Variants in GPC5 observed in about 807,000 individuals in gnomAD.
The protein encoded by GPC5 is glypican-5.
In GPC5, 47 loss-of-function variants were observed where a neutral mutation model predicts 53.9. That is an observed-to-expected ratio of 0.87 (90% CI 0.69 to 1.11). The LOEUF is 1.11. Ranked by LOEUF, GPC5 falls within the 50% of genes most tolerant of loss-of-function variation. The probability of loss-of-function intolerance (pLI) is 0.00; values close to 1 mark genes in which losing one functional copy is unlikely to be tolerated. For missense variants in GPC5, 748 were observed against 713.1 expected (o/e 1.05, Z -0.56); for synonymous variants, 286 against 263.3 (o/e 1.09, Z -0.84).
chr13:92,715,718 G>A (rs1374147116), intron 7 of GPC5, among the ~76,000 whole-genome samples: 2 of 152,104 alleles, frequency 1.3e-5, no homozygotes, highest in Non-Finnish European at 2.9e-5. Flanking sequence ...ATACAGTAGA[G>A]AAAATACAGA....
chr13:92,342,635 A>C (rs2043376662), intron 7 of GPC5, among the ~76,000 whole-genome samples: 1 of 151,552 alleles, frequency 6.6e-6, no homozygotes, highest in African/African-American at 2.4e-5. Flanking sequence ...GTGAGAAATA[A>C]GTTTCTTTTT....
intron 2 of GPC5, among the ~76,000 whole-genome samples, chr13:91,525,802 A>T (rs1255056383): frequency 1.3e-5 from 2 of 152,228 alleles, no homozygotes. Flanking sequence ...CTTAGCAGTT[A>T]TCATAAAATT....
intron 5 of GPC5, among the ~76,000 whole-genome samples, chr13:91,816,843 C>T (rs994378857): frequency 6.6e-6 from 1 of 152,108 alleles, no homozygotes; most frequent in Admixed American, 6.5e-5. Flanking sequence ...TCTGAATCTT[C>T]ACCCTATCAC....
At chr13:92,666,987 C>A (rs1371668001) in intron 7 of GPC5, among the ~76,000 whole-genome samples, 2 of 152,030 alleles carry the variant, frequency 1.3e-5, no homozygotes, top group African/African-American at 4.8e-5. Context: ...AAAATGCCAC[C>A]CTATACTGAA....
At chr13:91,619,035 A>G (rs2033779722) in intron 2 of GPC5, among the ~76,000 whole-genome samples, 1 of 152,062 alleles carries the variant, frequency 6.6e-6, no homozygotes, top group Non-Finnish European at 1.5e-5. Flanking sequence ...TTCTTTTCCT[A>G]GTAGAGTTTT....
At chr13:91,989,635 A>T (rs1405191096) in intron 6 of GPC5, among the ~76,000 whole-genome samples, 2 of 152,212 alleles carry the variant, frequency 1.3e-5, no homozygotes, top group East Asian at 3.8e-4. Flanking sequence ...AGGTAAATAT[A>T]AAAGGCATGT....
At chr13:92,616,556 A>G (rs1156715326) in intron 7 of GPC5, among the ~76,000 whole-genome samples, 1 of 152,210 alleles carries the variant, frequency 6.6e-6, no homozygotes, top group East Asian at 1.9e-4. Context: ...GTATTATGTA[A>G]CATTGTTCTT....
chr13:92,384,865 C>G (rs913446061), intron 7 of GPC5, among the ~76,000 whole-genome samples: 2 of 152,034 alleles, frequency 1.3e-5, no homozygotes, highest in African/African-American at 4.8e-5. Context: ...AACATGACCT[C>G]TAAAATTGCT....
intron 2 of GPC5, among the ~76,000 whole-genome samples, chr13:91,491,113 G>A (rs1883920139): frequency 6.6e-6 from 1 of 152,072 alleles, no homozygotes; most frequent in Non-Finnish European, 1.5e-5. Flanking sequence ...AATGATATTA[G>A]TTATAGCTTA....
chr13:92,770,217 C>A (rs1015496123), intron 7 of GPC5, among the ~76,000 whole-genome samples: 3 of 152,042 alleles, frequency 2.0e-5, no homozygotes, highest in African/African-American at 7.2e-5. Context: ...AGTTCAAGAC[C>A]AGCCTGGGCA....
intron 7 of GPC5, among the ~76,000 whole-genome samples, chr13:92,751,925 C>A (rs1317292293): frequency 6.6e-6 from 1 of 151,996 alleles, no homozygotes; most frequent in Admixed American, 6.6e-5. Context: ...TGCGCTGGAT[C>A]TACTCGTTTT....
At chr13:91,788,158 C>A (rs1594564506) in intron 5 of GPC5, among the ~76,000 whole-genome samples, 1 of 152,202 alleles carries the variant, frequency 6.6e-6, no homozygotes. Flanking sequence ...AGAGGCAGGG[C>A]AGTCCAAGAA....
At chr13:92,025,240 G>C (rs1007658711) in intron 6 of GPC5, among the ~76,000 whole-genome samples, 6 of 151,424 alleles carry the variant, frequency 4.0e-5, no homozygotes, top group African/African-American at 1.5e-4. Flanking sequence ...ATTTATAGTT[G>C]GACAGCTTTT....
chr13:92,271,394 G>A (rs2139155629), intron 7 of GPC5, among the ~76,000 whole-genome samples: 1 of 152,208 alleles, frequency 6.6e-6, no homozygotes, highest in South Asian at 2.1e-4. Flanking sequence ...ACCCTTTTAT[G>A]GCTTATACCT....
At chr13:92,746,427 T>C (rs1889243403) in intron 7 of GPC5, among the ~76,000 whole-genome samples, 2 of 152,160 alleles carry the variant, frequency 1.3e-5, no homozygotes, top group African/African-American at 2.4e-5. Flanking sequence ...GTTTCATTTT[T>C]AGTTGCATTT....
In GPC5 at chr13:92,740,658, G is replaced by C. The variant is rs559505127; in HGVS notation, c.1562-125624G>C. Among the ~76,000 whole-genome samples the C allele has an allele frequency of 2.0e-5, 3 of 152,060 alleles. No homozygotes were observed. The South Asian group carries it at 6.2e-4, about 32-fold the overall frequency. On this transcript the variant is annotated intron_variant, in intron 7 of 7. Transcript: ENST00000377067. ...TACCAGGAAGACTTCTTCATGGATG[G>C]CTTTGAACTACTTCTAAAAGTTTGG...
intron 7 of GPC5, among the ~76,000 whole-genome samples, chr13:92,538,245 C>T (rs1166743145): frequency 1.3e-5 from 2 of 151,688 alleles, no homozygotes; most frequent in Non-Finnish European, 2.9e-5. Context: ...TCCTCTTTTC[C>T]CCACCTGATC....
At chr13:92,295,284 A>C (rs2043026906) in intron 7 of GPC5, among the ~76,000 whole-genome samples, 1 of 152,230 alleles carries the variant, frequency 6.6e-6, no homozygotes, top group African/African-American at 2.4e-5. Context: ...CCCAATGATC[A>C]TTCAGGAACA....
At chr13:91,656,178 G>T (rs567891795) in intron 2 of GPC5, among the ~76,000 whole-genome samples, 1 of 152,148 alleles carries the variant, frequency 6.6e-6, no homozygotes, top group Non-Finnish European at 1.5e-5. Flanking sequence ...CAGAGGCAGC[G>T]TGGAGTAATT....
Sources: gnomAD v4.1 joint callset for allele counts (sites outside exome capture counted in the v4.1 genomes callset) on GRCh38, gnomAD v4.1.1 for gene constraint, MANE v1.5 for transcripts, NCBI Gene and HGNC (gene_info 2026-07-23, HGNC 2026-07-21) for gene names.